Variants in NUDC observed in about 807,000 individuals in gnomAD.
The protein encoded by NUDC is nuclear migration protein nudC.
NUDC carries 14 observed loss-of-function variants against 45.0 expected under a neutral mutation model. The ratio of observed to expected loss-of-function variants is 0.31; its 90% CI spans 0.21 to 0.49. The LOEUF (loss-of-function observed/expected upper bound fraction) is 0.49, where lower values mean the gene tolerates loss of function less well. NUDC is among the 20% of genes least tolerant of loss of function. The probability of loss-of-function intolerance (pLI) is 0.99; values close to 1 mark genes in which losing one functional copy is unlikely to be tolerated. For missense variants in NUDC, 323 were observed against 426.2 expected (o/e 0.76, Z 2.13); for synonymous variants, 153 against 156.7 (o/e 0.98, Z 0.17).
chr1:26,936,589 C>T (rs776849416), intron 2 of NUDC, among the ~76,000 whole-genome samples: 6 of 151,950 alleles, frequency 3.9e-5, no homozygotes, highest in Non-Finnish European at 8.8e-5. Flanking sequence ...ATCCACCCAC[C>T]TTGGCCTCCC....
upstream of NUDC, among the ~76,000 whole-genome samples, chr1:26,918,279 C>CTTTTT (rs749407425): frequency 2.6e-5 from 3 of 113,802 alleles, no homozygotes; most frequent in African/African-American, 6.7e-5. Context: ...TCAAGTGATT[C>CTTTTT]TTTTTTTTTT....
chr1:26,908,442 A>G (rs2082011629), intron 2 of NUDC, among the ~76,000 whole-genome samples: 1 of 152,248 alleles, frequency 6.6e-6, no homozygotes, highest in African/African-American at 2.4e-5. Flanking sequence ...CAAGGCAAGG[A>G]AATAGGGCAC....
intron 2 of NUDC, among the ~76,000 whole-genome samples, chr1:26,927,655 C>CA (rs1184156322): frequency 6.6e-6 from 1 of 151,960 alleles, no homozygotes; most frequent in Non-Finnish European, 1.5e-5. Context: ...TTCGGCCCCT[C>CA]AAAGTGCTGG....
At chr1:26,918,094 T>G (rs189001316), upstream of NUDC, among the ~76,000 whole-genome samples, 1 of 152,168 alleles carries the variant, frequency 6.6e-6, no homozygotes, top group Non-Finnish European at 1.5e-5. Context: ...TGGGGTTCAT[T>G]CTAGTTTTTG....
chr1:26,924,485 G>A (rs1012507021), intron 2 of NUDC, among the ~76,000 whole-genome samples: 2 of 152,222 alleles, frequency 1.3e-5, no homozygotes, highest in Admixed American at 1.3e-4. Context: ...GTTGAAACCA[G>A]TCTGTTGTAA....
chr1:26,944,925 CCA>C (rs1317002964), intron 6 of NUDC, among the ~76,000 whole-genome samples: 5 of 152,068 alleles, frequency 3.3e-5, no homozygotes, highest in Admixed American at 1.3e-4. Context: ...GCCTATAATC[CCA>C]GTTACTCGGG....
At chr1:26,923,506 T>C (rs572751865) in intron 1 of NUDC, among the ~76,000 whole-genome samples, 8 of 151,828 alleles carry the variant, frequency 5.3e-5, no homozygotes, top group Non-Finnish European at 1.2e-4. Flanking sequence ...GACAAGAGTC[T>C]CTCACCCAGG....
chr1:26,911,941 G>C (rs902095341), intron 3 of NUDC: 9 of 1,614,132 alleles, frequency 5.6e-6, no homozygotes, highest in Non-Finnish European at 7.6e-6. Context: ...TGGTCGGAAT[G>C]GACTTGAGGG....
chr1:26,909,216 C>A (rs1423420945), intron 2 of NUDC, among the ~76,000 whole-genome samples: 1 of 152,196 alleles, frequency 6.6e-6, no homozygotes, highest in Admixed American at 6.5e-5. Flanking sequence ...CTCAGGTGAT[C>A]CGCCTGGCTT....
At chr1:26,921,214 T>G (rs2082088697), upstream of NUDC, among the ~76,000 whole-genome samples, 2 of 152,072 alleles carry the variant, frequency 1.3e-5, no homozygotes, top group African/African-American at 4.8e-5. Context: ...CCAAAATTAT[T>G]AAGAATTTCA....
At chr1:26,935,346 G>A (rs1014657862) in intron 2 of NUDC, among the ~76,000 whole-genome samples, 7 of 152,120 alleles carry the variant, frequency 4.6e-5, no homozygotes, top group African/African-American at 1.7e-4. Flanking sequence ...CATGAGAACA[G>A]ACTAATACAG....
chr1:26,920,764 A>G (rs2082085423), upstream of NUDC, among the ~76,000 whole-genome samples: 1 of 144,114 alleles, frequency 6.9e-6, no homozygotes, highest in Non-Finnish European at 1.5e-5. Flanking sequence ...CCAAAAAACA[A>G]AAAACAAAAA....
At chr1:26,926,665 T>G (rs2082135378) in intron 2 of NUDC, among the ~76,000 whole-genome samples, 2 of 152,112 alleles carry the variant, frequency 1.3e-5, no homozygotes, top group Admixed American at 1.3e-4. Flanking sequence ...AATGGCACGA[T>G]CTCAGCCCAC....
At chr1:26,904,041 A>T (rs936122318) in intron 2 of NUDC, among the ~76,000 whole-genome samples, 7 of 145,116 alleles carry the variant, frequency 4.8e-5, no homozygotes, top group African/African-American at 1.7e-4. Context: ...TAAATTAAAT[A>T]AATAAATAAT....
chr1:26,932,279 C>T (rs1030456300), intron 2 of NUDC, among the ~76,000 whole-genome samples: 6 of 149,824 alleles, frequency 4.0e-5, no homozygotes, highest in East Asian at 2.0e-4. Context: ...CGGGTTCAAG[C>T]GATTCTCCTG....
In NUDC at chr1:26,913,988, G is replaced by A. The variant is rs185436052; in HGVS notation, c.93+2753G>A. Reference sequence around the variant, plus strand: ...CCAGCTCTCTGGCTCTGTGTTCTGCGCTGTGGGTGCTATTTATATTCCCAG... The same window carrying A: ...CCAGCTCTCTGGCTCTGTGTTCTGCACTGTGGGTGCTATTTATATTCCCAG... On this transcript the variant is annotated intron_variant, in intron 3 of 6. Transcript: ENST00000435827. 70 of 1,369,114 alleles carry A rather than the reference G, an allele frequency of 5.1e-5. 1 individual carries two copies. Among genetic ancestry groups the A allele is most frequent in the Middle Eastern group, 2.0e-4 (1 of 5,002 alleles). 84.8% of individuals were successfully genotyped at this position (1,369,114 alleles called of 1,614,324 possible). A position where few individuals can be genotyped will look rare whatever the true frequency, so the allele number is the denominator to read the frequency against.
chr1:26,932,806 T>C lies in NUDC; in HGVS notation c.159+8640T>C, dbSNP rs541653089. On this transcript the variant is annotated intron_variant, in intron 2 of 8. Coordinates refer to ENST00000321265, the MANE Select transcript of NUDC (RefSeq NM_006600.4). Reference sequence around the variant, plus strand: ...TGTTTTCTGTGTAGGTTGACTACTGTAGATACTTCATATAAATGGAATCAT... The same window carrying C: ...TGTTTTCTGTGTAGGTTGACTACTGCAGATACTTCATATAAATGGAATCAT... Among the ~76,000 whole-genome samples, 7 of 152,318 alleles carry C rather than the reference T, an allele frequency of 4.6e-5. No homozygotes were observed. The East Asian group carries it at 1.3e-3, about 29-fold the overall frequency.
At chr1:26,937,107 C>A (rs2082241260) in intron 2 of NUDC, among the ~76,000 whole-genome samples, 2 of 152,106 alleles carry the variant, frequency 1.3e-5, no homozygotes, top group African/African-American at 4.8e-5. Context: ...TTTACTGTTA[C>A]TTGTTTATTA....
intron 2 of NUDC, among the ~76,000 whole-genome samples, chr1:26,929,079 T>C (rs1285188173): frequency 6.6e-6 from 1 of 152,158 alleles, no homozygotes; most frequent in African/African-American, 2.4e-5. Context: ...TTATTCTGCC[T>C]TAAAAGGGAA....
Sources: allele counts gnomAD v4.1 joint callset (sites outside exome capture counted in the v4.1 genomes callset), GRCh38; gene constraint gnomAD v4.1.1; transcripts MANE v1.5; gene names NCBI Gene and HGNC (gene_info 2026-07-23, HGNC 2026-07-21).